The following OR5B17 variants were observed in gnomAD, a reference collection of about 807,000 sequenced individuals.
OR5B17 encodes olfactory receptor family 5 subfamily B member 17, also known as olfactory receptor 5B17.
For missense variants in OR5B17, 444 were observed against 378.7 expected (o/e 1.17, Z -1.43); for synonymous variants, 150 against 135.8 (o/e 1.10, Z -0.73).
rs377424824 is a variant in OR5B17, at chr11:58,358,179, A to G, written c.891T>C (p.Asn297=). The G allele has an allele frequency of 3.1e-6, 5 of 1,608,634 alleles. No homozygotes were observed. Among genetic ancestry groups the G allele is most frequent in the Non-Finnish European group, 4.2e-6 (5 of 1,177,450 alleles). Residue 297 remains asparagine, a synonymous_variant, in exon 1 of 1, where the codon AAT becomes AAC. Transcript: ENST00000357377. ...CCTTCTCAACAACCTTCATGAATGC[A>G]TTCTTCACGTCTTTGTTCCTCAGGG... ...VYTLRNKDVK[N]AFMKVVEKAK...
rs1264952279 is a variant in OR5B17 at position 58,358,649 on chromosome 11, A to G, written c.421T>C (p.Cys141Arg). The part of the protein sequence containing the change: ...TTTMTTRVCA[C>R]LAIGCYVIGF... ...ATGACATAACAGCCTATAGCCAGAC[A>G]AGCACACACACGTGTTGTCATGGTG... The change falls in exon 1 of 1, where the codon TGT becomes CGT. Residue 141 changes from cysteine (C) to arginine (R), a missense_variant. Physicochemically the swap from Cys to Arg is radical, Grantham distance 180. Transcript: ENST00000357377. 1 of 1,614,182 alleles carries G rather than the reference A, an allele frequency of 6.2e-7. No homozygotes were observed. The highest frequency in any genetic ancestry group is 1.1e-5 in the South Asian group (1 of 91,090).
At position 58,359,022 on chromosome 11, in the gene OR5B17, G is replaced by C. The variant is rs145931826; in HGVS notation, c.48C>G (p.Thr16=). Residue 16 remains threonine, a synonymous_variant, in exon 1 of 1, where the codon ACC becomes ACG. Coordinates refer to ENST00000357377, the MANE Select transcript of OR5B17 (RefSeq NM_001005489.2). ...GGGGAACCTGTAGTTCTGGGGCATT[G>C]GTTAGACCAAGCAGGATGAATTCAC... ...EVSEFILLGL[T]NAPELQVPLF... is the part of the protein sequence containing the mutation. The C allele has an allele frequency of 1.1e-5, 18 of 1,608,488 alleles. No individual in the cohort carries two copies. In the African/African-American group the frequency reaches 2.4e-4, roughly 21 times the overall value.
chr11:58,358,881 G>A lies in OR5B17; in HGVS notation c.189C>T (p.Asn63=), dbSNP rs750564037. 3.1e-6 allele frequency: 5 copies of A among 1,614,052 alleles called. No homozygotes were observed. Among genetic ancestry groups the A allele is most frequent in the African/African-American group, 2.7e-5 (2 of 75,024 alleles). The change falls in exon 1 of 1, where the codon AAC becomes AAT. Residue 63 remains asparagine (N), a synonymous_variant. Coordinates refer to ENST00000357377, the MANE Select transcript of OR5B17 (RefSeq NM_001005489.2). The stretch of plus-strand genomic sequence containing the variant: ...AGTAACCAATGCCTGCAAGAGACAG[G>A]TTACTGAGAAAAAAGTACATGGGAG... The part of the protein sequence containing the change: ...LHTPMYFFLS[N]LSLAGIGYSS...
In OR5B17 at chr11:58,358,242, G is replaced by C; in HGVS notation, c.828C>G (p.Tyr276Ter). The change falls in exon 1 of 1, where the codon TAC becomes TAG. Residue 276 changes from tyrosine (Y) to a stop codon, truncating the protein, a stop_gained. Coordinates refer to ENST00000357377, the MANE Select transcript of OR5B17 (RefSeq NM_001005489.2). LOFTEE classifies it low-confidence loss of function (END_TRUNC). ...MDTDKIASVF[Y>*]TMIIPMLSPI... is the part of the protein sequence containing the mutation. ...GACTGAGCATGGGGATGATCATAGT[G>C]TAGAACACAGATGCAATTTTGTCTG... 6.2e-7 allele frequency: 1 copy of C among 1,613,266 alleles called. No homozygotes were observed. Among genetic ancestry groups the C allele is most frequent in the Non-Finnish European group, 8.5e-7 (1 of 1,179,288 alleles).
At position 58,358,127 on chromosome 11, in the gene OR5B17, A is replaced by G. The variant is rs139586776; in HGVS notation, c.943T>C (p.Ter315GlnextTer?). 1.9e-4 allele frequency: 291 copies of G among 1,516,994 alleles called. 1 individual carries two copies. In the African/African-American group the frequency reaches 3.1e-3, roughly 16 times the overall value. The allele number at this position is 1,516,994 out of a possible 1,614,324, so 94.0% of individuals were successfully genotyped here. A position where few individuals can be genotyped will look rare whatever the true frequency, so the allele number is the denominator to read the frequency against. The change falls in exon 1 of 1, where the codon TAA becomes CAA. Residue 315 changes from the stop codon to glutamine (Q), a stop_lost. Coordinates refer to ENST00000357377, the MANE Select transcript of OR5B17 (RefSeq NM_001005489.2). ...KAKYSLDSVF* is the reference protein window; with the variant it reads ...KAKYSLDSVFQ ...AACATTGTGATGATTTTGCATCATT[A>G]AAAGACTGAATCTAGAGAATATTTT...
Position 58,359,020 on chromosome 11 carries a change from T to C in OR5B17, c.50A>G (p.Asn17Ser), listed in dbSNP as rs61741317. The change falls in exon 1 of 1, where the codon AAT becomes AGT. Residue 17 changes from asparagine (N) to serine (S), a missense_variant. Asn to Ser is a conservative substitution (Grantham distance 46, BLOSUM62 1). Coordinates refer to ENST00000357377, the MANE Select transcript of OR5B17 (RefSeq NM_001005489.2). The part of the protein sequence containing the change: ...VSEFILLGLT[N>S]APELQVPLFI... ...GAGGGGAACCTGTAGTTCTGGGGCA[T>C]TGGTTAGACCAAGCAGGATGAATTC... is the stretch of plus-strand genomic sequence containing the variant. 4,240 of 1,609,336 alleles carry C rather than the reference T, an allele frequency of 2.6e-3. 95 individuals carry two copies. The African/African-American group carries it at 0.048, about 18-fold the overall frequency.
Position 58,358,924 on chromosome 11 carries a change from A to T in OR5B17, c.146T>A (p.Leu49Gln). ...CATGGGAGTGTGGAGATGAGAGTCC[A>T]GCAGGATTAATATGATCATCCCCAG... Reference protein sequence around the residue: ...GNLGMIILILLDSHLHTPMYF... With the variant: ...GNLGMIILILQDSHLHTPMYF... The change falls in exon 1 of 1, where the codon CTG becomes CAG. Residue 49 changes from leucine (L) to glutamine (Q), a missense_variant. Physicochemically the swap from Leu to Gln is moderately radical, Grantham distance 113. Coordinates refer to ENST00000357377, the MANE Select transcript of OR5B17 (RefSeq NM_001005489.2). 6.2e-7 allele frequency: 1 copy of T among 1,614,116 alleles called. No homozygotes were observed. The highest frequency in any genetic ancestry group is 1.1e-5 in the South Asian group (1 of 91,076).
rs1854522605 is a variant in OR5B17, at chr11:58,358,410, C to T, written c.660G>A (p.Leu220=). Residue 220 remains leucine, a synonymous_variant, in exon 1 of 1, where the codon TTG becomes TTA. Transcript: ENST00000357377. ...LVTLISYLFI[L]ITILKRHTGK... Reference sequence around the variant, plus strand: ...CTGTGTGCCTCTTAAGAATGGTGATCAATATGAACAGATAGGAAATCAAGG... The same window carrying T: ...CTGTGTGCCTCTTAAGAATGGTGATTAATATGAACAGATAGGAAATCAAGG... 1.2e-6 allele frequency: 2 copies of T among 1,613,818 alleles called. No homozygotes were observed. Among genetic ancestry groups the T allele is most frequent in the African/African-American group, 1.3e-5 (1 of 74,954 alleles).
rs370249349 is a variant in OR5B17, at chr11:58,358,219, C to T, written c.851G>A (p.Ser284Asn). Residue 284 changes from serine to asparagine, a missense_variant, in exon 1 of 1, where the codon AGT (serine) becomes AAT (asparagine). Transcript: ENST00000357377. Reference sequence around the variant, plus strand: ...GTTCCTCAGGGTATAGACTATAGGACTGAGCATGGGGATGATCATAGTGTA... The same window carrying T: ...GTTCCTCAGGGTATAGACTATAGGATTGAGCATGGGGATGATCATAGTGTA... The part of the protein sequence containing the change: ...VFYTMIIPML[S>N]PIVYTLRNKD... 81 of 1,613,450 alleles carry T rather than the reference C, an allele frequency of 5.0e-5. No homozygotes were observed. The highest frequency in any genetic ancestry group is 6.4e-5 in the Non-Finnish European group (76 of 1,179,572).
rs1854539230 is a variant in OR5B17 at position 58,359,000 on chromosome 11, G to T, written c.70C>A (p.Pro24Thr). 4 of 1,611,974 alleles carry T rather than the reference G, an allele frequency of 2.5e-6. No individual in the cohort carries two copies. The highest frequency in any genetic ancestry group is 2.2e-5 in the East Asian group (1 of 44,870). ...GLTNAPELQV[P>T]LFIMFTLIYL... ...ATGAGGGTAAACATGATAAAGAGGGGAACCTGTAGTTCTGGGGCATTGGTT... is the reference window on the plus strand; with the variant it reads ...ATGAGGGTAAACATGATAAAGAGGGTAACCTGTAGTTCTGGGGCATTGGTT... The change falls in exon 1 of 1, where the codon CCC becomes ACC. Residue 24 changes from proline to threonine, a missense_variant. Pro to Thr is a conservative substitution (Grantham distance 38, BLOSUM62 -1). Coordinates refer to ENST00000357377, the MANE Select transcript of OR5B17 (RefSeq NM_001005489.2).
rs1390886432 is a variant in OR5B17, at chr11:58,358,839, T to C, written c.231A>G (p.Pro77=). The C allele has an allele frequency of 6.2e-7, 1 of 1,614,064 alleles. No homozygotes were observed. Among genetic ancestry groups the C allele is most frequent in the East Asian group, 2.2e-5 (1 of 44,858 alleles). Residue 77 remains proline (P), a synonymous_variant, in exon 1 of 1, where the codon CCA becomes CCG. Coordinates refer to ENST00000357377, the MANE Select transcript of OR5B17 (RefSeq NM_001005489.2). Reference sequence around the variant, plus strand: ...CTATAAGCAACCCAGTTAAAACCTTTGGAGTGACAGCTGAGGAGTAACCAA... The same window carrying C: ...CTATAAGCAACCCAGTTAAAACCTTCGGAGTGACAGCTGAGGAGTAACCAA... ...AGIGYSSAVT[P]KVLTGLLIED... is the part of the protein sequence containing the mutation.
At position 58,358,149 on chromosome 11, in the gene OR5B17, T is replaced by C. The variant is rs1272092255; in HGVS notation, c.921A>G (p.Lys307=). ...ATTAAAAGACTGAATCTAGAGAATA[T>C]TTTGCCTTCTCAACAACCTTCATGA... ...NAFMKVVEKA[K]YSLDSVF is the part of the protein sequence containing the mutation. Residue 307 remains lysine, a synonymous_variant, in exon 1 of 1, where the codon AAA becomes AAG. Coordinates refer to ENST00000357377, the MANE Select transcript of OR5B17 (RefSeq NM_001005489.2). 1.3e-6 allele frequency: 2 copies of C among 1,589,064 alleles called. No individual in the cohort carries two copies. Among genetic ancestry groups the C allele is most frequent in the Non-Finnish European group, 8.6e-7 (1 of 1,165,708 alleles).
chr11:58,358,999 G>A lies in OR5B17; in HGVS notation c.71C>T (p.Pro24Leu), dbSNP rs140039769. The part of the protein sequence containing the change: ...GLTNAPELQV[P>L]LFIMFTLIYL... ...GATGAGGGTAAACATGATAAAGAGG[G>A]GAACCTGTAGTTCTGGGGCATTGGT... Residue 24 changes from proline (P) to leucine (L), a missense_variant, in exon 1 of 1, where the codon CCC becomes CTC. Coordinates refer to ENST00000357377, the MANE Select transcript of OR5B17 (RefSeq NM_001005489.2). The A allele has an allele frequency of 5.6e-4, 903 of 1,611,938 alleles. 3 individuals are homozygous for A. The African/African-American group carries it at 0.011, about 19-fold the overall frequency.
In OR5B17 at chr11:58,358,913, G is replaced by T. The variant is rs1854536893; in HGVS notation, c.157C>A (p.Leu53Ile). The change falls in exon 1 of 1, where the codon CTC (leucine) becomes ATC (isoleucine). Residue 53 changes from leucine (L) to isoleucine (I), a missense_variant. Coordinates refer to ENST00000357377, the MANE Select transcript of OR5B17 (RefSeq NM_001005489.2). ...MIILILLDSH[L>I]HTPMYFFLSN... ...AGAAAAAAGTACATGGGAGTGTGGAGATGAGAGTCCAGCAGGATTAATATG... is the reference window on the plus strand; with the variant it reads ...AGAAAAAAGTACATGGGAGTGTGGATATGAGAGTCCAGCAGGATTAATATG... The T allele has an allele frequency of 6.2e-7, 1 of 1,614,000 alleles. No individual in the cohort carries two copies. The highest frequency in any genetic ancestry group is 1.1e-5 in the South Asian group (1 of 91,084).
In OR5B17 at chr11:58,358,186, A is replaced by G. The variant is rs1854517532; in HGVS notation, c.884T>C (p.Val295Ala). 1 of 1,610,544 alleles carries G rather than the reference A, an allele frequency of 6.2e-7. No homozygotes were observed. The highest frequency in any genetic ancestry group is 8.5e-7 in the Non-Finnish European group (1 of 1,178,396). ...PIVYTLRNKD[V>A]KNAFMKVVEK... ...AACAACCTTCATGAATGCATTCTTC[A>G]CGTCTTTGTTCCTCAGGGTATAGAC... Residue 295 changes from valine (V) to alanine (A), a missense_variant, in exon 1 of 1, where the codon GTG becomes GCG. Val to Ala is a moderately conservative substitution (Grantham distance 64). Transcript: ENST00000357377.
rs759198367 is a variant in OR5B17 at position 58,358,570 on chromosome 11, C to T, written c.500G>A (p.Cys167Tyr). 6.2e-7 allele frequency: 1 copy of T among 1,614,056 alleles called. No homozygotes were observed. The highest frequency in any genetic ancestry group is 8.5e-7 in the Non-Finnish European group (1 of 1,180,018). The change falls in exon 1 of 1, where the codon TGC becomes TAC. Residue 167 changes from cysteine (C) to tyrosine (Y), a missense_variant. Coordinates refer to ENST00000357377, the MANE Select transcript of OR5B17 (RefSeq NM_001005489.2). ...QIGDTFRLSF[C>Y]MSNVIHHFFC... ...AAAGTGATGAATCACATTGGACATG[C>T]AGAAAGAGAGGCGAAATGTATCTCC...
At position 58,358,283 on chromosome 11, in the gene OR5B17, T is replaced by TGGA; in HGVS notation, c.784_786dup (p.Ser263dup). 1 of 1,614,038 alleles carries TGGA rather than the reference T, an allele frequency of 6.2e-7. No individual in the cohort carries two copies. The highest frequency in any genetic ancestry group is 1.7e-4 in the Middle Eastern group (1 of 6,058). ...ATTTTGTCTGTGTCCATGGAATGAC[T>TGGA]GGAACTTGGTCGTATGTACATGATG... On this transcript the variant is annotated inframe_insertion, in exon 1 of 1. Coordinates refer to ENST00000357377, the MANE Select transcript of OR5B17 (RefSeq NM_001005489.2).
At position 58,358,936 on chromosome 11, in the gene OR5B17, A is replaced by G. The variant is rs138608892; in HGVS notation, c.134T>C (p.Ile45Thr). Reference protein sequence around the residue: ...ITLTGNLGMIILILLDSHLHT... With the variant: ...ITLTGNLGMITLILLDSHLHT... Reference sequence around the variant, plus strand: ...GAGATGAGAGTCCAGCAGGATTAATATGATCATCCCCAGGTTCCCAGTCAG... The same window carrying G: ...GAGATGAGAGTCCAGCAGGATTAATGTGATCATCCCCAGGTTCCCAGTCAG... The change falls in exon 1 of 1, where the codon ATA becomes ACA. Residue 45 changes from isoleucine (I) to threonine (T), a missense_variant. By Grantham distance (89) the Ile-to-Thr change is moderately conservative (BLOSUM62 -1). Transcript: ENST00000357377. The G allele has an allele frequency of 2.8e-5, 45 of 1,614,088 alleles. No homozygotes were observed. In the East Asian group the frequency reaches 7.1e-4, roughly 26 times the overall value.
In OR5B17 at chr11:58,358,226, T is replaced by TG; in HGVS notation, c.843dup (p.Met282HisfsTer23). The TG allele has an allele frequency of 6.2e-7, 1 of 1,613,714 alleles. No homozygotes were observed. ...AGGGTATAGACTATAGGACTGAGCA[T>TG]GGGGATGATCATAGTGTAGAACACA... On this transcript the variant is annotated frameshift_variant, in exon 1 of 1. Transcript: ENST00000357377. LOFTEE classifies it low-confidence loss of function (END_TRUNC).
Sources: allele counts gnomAD v4.1 joint callset, GRCh38; gene constraint gnomAD v4.1.1; transcripts MANE v1.5; gene names NCBI Gene and HGNC (gene_info 2026-07-23, HGNC 2026-07-21).